Variants in SLC39A12 observed in about 807,000 individuals in gnomAD.
SLC39A12 encodes zinc transporter ZIP12.
SLC39A12 carries 63 observed loss-of-function variants against 71.1 expected under a neutral mutation model. That is an observed-to-expected ratio of 0.89 (90% confidence interval 0.72 to 1.09). The LOEUF (loss-of-function observed/expected upper bound fraction) is 1.09. Among genes scored for constraint, SLC39A12 ranks in the 50% least tolerant of loss-of-function variants. The pLI, the probability that SLC39A12 is intolerant of heterozygous loss-of-function variation, is 0.00. For synonymous variants in SLC39A12, 351 were observed against 301.3 expected (o/e 1.16, Z -1.71); for missense variants, 892 against 812.6 (o/e 1.10, Z -1.19).
chr10:17,988,806 C>T (rs988840298), intron 7 of SLC39A12, among the ~76,000 whole-genome samples: 1 of 152,212 alleles, frequency 6.6e-6, no homozygotes, highest in Non-Finnish European at 1.5e-5. Flanking sequence ...CAGTGGACAG[C>T]TTCCCCACAG....
intron 2 of SLC39A12, among the ~76,000 whole-genome samples, chr10:17,958,494 G>T (rs781992999): frequency 2.6e-5 from 4 of 152,138 alleles, no homozygotes; most frequent in Non-Finnish European, 5.9e-5. Context: ...AGGAGGGAGA[G>T]AAAAATTACC....
intron 12 of SLC39A12, among the ~76,000 whole-genome samples, chr10:18,015,212 A>C (rs1242476021): frequency 7.9e-6 from 1 of 127,030 alleles, no homozygotes; most frequent in Non-Finnish European, 1.8e-5. Context: ...ACCACTAAGA[A>C]CCATATTAAA....
intron 10 of SLC39A12, among the ~76,000 whole-genome samples, chr10:17,997,955 T>A (rs1350210116): frequency 6.6e-6 from 1 of 152,214 alleles, no homozygotes; most frequent in African/African-American, 2.4e-5. Flanking sequence ...AATTCTGTAA[T>A]GAGTACATTA....
intron 12 of SLC39A12, among the ~76,000 whole-genome samples, chr10:18,017,439 G>A (rs954044887): frequency 3.3e-5 from 5 of 152,134 alleles, no homozygotes; most frequent in Non-Finnish European, 7.3e-5. Context: ...CTCCTGAGTA[G>A]CTAGGATTAC....
intron 12 of SLC39A12, among the ~76,000 whole-genome samples, chr10:18,024,270 C>G (rs919947372): frequency 6.6e-6 from 1 of 152,034 alleles, no homozygotes; most frequent in African/African-American, 2.4e-5. Context: ...CCATGGTGTT[C>G]AGGAATCCAA....
intron 6 of SLC39A12, among the ~76,000 whole-genome samples, chr10:17,983,245 C>T (rs149526079): frequency 3.4e-5 from 5 of 145,618 alleles, no homozygotes; most frequent in African/African-American, 1.0e-4. Context: ...AGTCCTAGTA[C>T]TTTGGGAGGG....
chr10:17,964,719 G>T (rs1385667654), intron 3 of SLC39A12, among the ~76,000 whole-genome samples: 1 of 152,246 alleles, frequency 6.6e-6, no homozygotes, highest in Admixed American at 6.5e-5. Flanking sequence ...CTTGGGACCA[G>T]AGGCAGATGA....
intron 12 of SLC39A12, among the ~76,000 whole-genome samples, chr10:18,029,252 G>A (rs1472957293): frequency 6.6e-6 from 1 of 152,118 alleles, no homozygotes; most frequent in Non-Finnish European, 1.5e-5. Flanking sequence ...TTTTCAATTA[G>A]GTAACAGAAC....
intron 12 of SLC39A12, among the ~76,000 whole-genome samples, chr10:18,015,957 G>A (rs996151603): frequency 2.6e-5 from 4 of 151,906 alleles, no homozygotes; most frequent in African/African-American, 7.3e-5. Context: ...TAAGTCCCCT[G>A]TCCCCACACA....
At chr10:17,982,240 C>G (rs1589230085) in intron 6 of SLC39A12, among the ~76,000 whole-genome samples, 1 of 152,254 alleles carries the variant, frequency 6.6e-6, no homozygotes, top group South Asian at 2.1e-4. Context: ...TAGATGAGAT[C>G]TCTCCAAGGG....
Position 17,987,511 on chromosome 10 carries a change from C to G in SLC39A12, c.1129C>G (p.Leu377Val). 6.2e-7 allele frequency: 1 copy of G among 1,614,044 alleles called. No homozygotes were observed. Among genetic ancestry groups the G allele is most frequent in the Non-Finnish European group, 8.5e-7 (1 of 1,179,994 alleles). ...CTACAGCACGGTGGCTGTCACCCTTCTCACACTGGGCTCCATGCTGGGGAC... is the reference window on the plus strand; with the variant it reads ...CTACAGCACGGTGGCTGTCACCCTTGTCACACTGGGCTCCATGCTGGGGAC... Reference protein sequence around the residue: ...YGYSTVAVTLLTLGSMLGTAL... With the variant: ...YGYSTVAVTLVTLGSMLGTAL... The change falls in exon 7 of 13, where the codon CTC becomes GTC. Residue 377 changes from leucine (L) to valine (V), a missense_variant. Transcript: ENST00000377369.
intron 5 of SLC39A12, 34 bp from the exon 6 acceptor site, chr10:17,981,278 A>C (rs1835249865): frequency 2.1e-5 from 32 of 1,550,734 alleles, no homozygotes; most frequent in Non-Finnish European, 2.7e-5. Flanking sequence ...AAATATGCTG[A>C]GATTAGTAAC....
rs1289171521 is a variant in SLC39A12, at chr10:17,957,424, T to C, written c.261+3887T>C. On this transcript the variant is annotated intron_variant, in intron 2 of 12. Transcript: ENST00000377369. ...TTCCTTATAAAGTCATTAAAACTAA[T>C]TCCCAGAATTTATGAGATTCCCCCC... 4.6e-5 allele frequency among the ~76,000 whole-genome samples: 7 copies of C among 152,272 alleles called. No homozygotes were observed. The East Asian group carries it at 1.2e-3, about 25-fold the overall frequency.
chr10:17,967,545 A>T (rs887470467), intron 4 of SLC39A12, among the ~76,000 whole-genome samples: 3 of 152,168 alleles, frequency 2.0e-5, no homozygotes, highest in Non-Finnish European at 4.4e-5. Flanking sequence ...AAATAATAAC[A>T]GTGGCCATGC....
intron 12 of SLC39A12, among the ~76,000 whole-genome samples, chr10:18,021,838 G>A (rs1028878538): frequency 6.6e-6 from 1 of 152,104 alleles, no homozygotes. Flanking sequence ...ATTAGCATTT[G>A]CTTGTCTGTA....
At chr10:18,027,743 T>A (rs986014325) in intron 12 of SLC39A12, among the ~76,000 whole-genome samples, 3 of 152,230 alleles carry the variant, frequency 2.0e-5, no homozygotes, top group African/African-American at 7.2e-5. Context: ...CTGATGCATC[T>A]AAAGAGAGTT....
At chr10:17,987,704 T>A (rs1158730659) in intron 7 of SLC39A12, 53 bp downstream of exon 7, 30 of 1,592,180 alleles carry the variant, frequency 1.9e-5, no homozygotes, top group Non-Finnish European at 2.4e-5. Flanking sequence ...CTCTTCACTT[T>A]TAACCACTGG....
intron 1 of SLC39A12, among the ~76,000 whole-genome samples, chr10:17,952,777 G>A (rs948591779): frequency 1.3e-5 from 2 of 152,132 alleles, no homozygotes; most frequent in Admixed American, 6.5e-5. Flanking sequence ...GTGAGCTACC[G>A]CGCCTGGCCT....
chr10:18,042,934 T>C lies in SLC39A12; in HGVS notation c.*101T>C, dbSNP rs1837300666. ...TTTTTAAATTAAGAATTTTTTATCT[T>C]AGGCAAAGTGTGTCTCTTTCAATTC... On this transcript the variant is annotated 3_prime_UTR_variant, in exon 13 of 13. Transcript: ENST00000377369. 1 of 970,858 alleles carries C rather than the reference T, an allele frequency of 1.0e-6. No homozygotes were observed. Among genetic ancestry groups the C allele is most frequent in the African/African-American group, 1.7e-5 (1 of 58,562 alleles). The allele number at this position is 970,858 out of a possible 1,614,324, so 60.1% of individuals were successfully genotyped here.
Sources: gnomAD v4.1 joint callset for allele counts (sites outside exome capture counted in the v4.1 genomes callset) on GRCh38, gnomAD v4.1.1 for gene constraint, MANE v1.5 for transcripts, NCBI Gene and HGNC (gene_info 2026-07-23, HGNC 2026-07-21) for gene names.